ROBO1: variants seen among roughly 807,000 people sequenced by gnomAD.
ROBO1 encodes the protein roundabout guidance receptor 1.
A neutral mutation model predicts 195.9 loss-of-function variants in ROBO1; 149 were observed. The ratio of observed to expected loss-of-function variants is 0.76; its 90% CI spans 0.67 to 0.87. The LOEUF (loss-of-function observed/expected upper bound fraction) is 0.87. Ranked by LOEUF, ROBO1 falls within the 40% of genes least tolerant of loss-of-function variation. The probability of loss-of-function intolerance (pLI) is 0.00; values close to 1 mark genes in which losing one functional copy is unlikely to be tolerated. For synonymous variants in ROBO1, 816 were observed against 733.2 expected (o/e 1.11, Z -1.82); for missense variants, 1,933 against 2,068.3 (o/e 0.93, Z 1.27).
At chr3:79,291,529 G>A (rs886604093) in intron 2 of ROBO1, among the ~76,000 whole-genome samples, 11 of 152,034 alleles carry the variant, frequency 7.2e-5, no homozygotes, top group East Asian at 3.8e-4. Context: ...GTGTTATAAC[G>A]CTTACCAGAT....
chr3:79,557,865 A>T (rs925798337), intron 2 of ROBO1, among the ~76,000 whole-genome samples: 1 of 151,452 alleles, frequency 6.6e-6, no homozygotes, highest in African/African-American at 2.4e-5. Flanking sequence ...GCATGACATC[A>T]TGGCAAATGA....
intron 10 of ROBO1, chr3:78,670,570 A>C (rs1020397230): frequency 5.2e-6 from 2 of 383,886 alleles, no homozygotes; most frequent in South Asian, 6.9e-5. Context: ...TTCGGGAATT[A>C]GGATTGTGGA....
chr3:78,891,916 G>A (rs1390537482), intron 4 of ROBO1, among the ~76,000 whole-genome samples: 1 of 152,236 alleles, frequency 6.6e-6, no homozygotes, highest in Admixed American at 6.5e-5. Context: ...TGTCTAAACA[G>A]TGGTTGCCTC....
intron 1 of ROBO1, among the ~76,000 whole-genome samples, chr3:79,731,645 T>A (rs1703152647): frequency 2.0e-5 from 3 of 152,126 alleles, no homozygotes; most frequent in Admixed American, 1.3e-4. Context: ...GCACAAATAT[T>A]AGCCCACCCT....
chr3:78,693,385 GAATA>G (rs1264478807), intron 8 of ROBO1: 1 of 1,452,984 alleles, frequency 6.9e-7, no homozygotes, highest in South Asian at 1.2e-5. Flanking sequence ...AGAAAACATG[GAATA>G]AATAAAAATA....
At chr3:78,619,836 G>T (rs193198440) in intron 26 of ROBO1, among the ~76,000 whole-genome samples, 1,658 of 151,728 alleles carry the variant, frequency 0.011, 32 homozygotes, top group African/African-American at 0.038. Context: ...TGGCCAACAC[G>T]ACGAAACCCT....
At chr3:79,320,272 C>T (rs971366595) in intron 2 of ROBO1, among the ~76,000 whole-genome samples, 2 of 152,080 alleles carry the variant, frequency 1.3e-5, no homozygotes, top group East Asian at 1.9e-4. Context: ...TAAGCAGGTG[C>T]GAATCCCATC....
chr3:79,516,411 AAG>A (rs1432946058), intron 2 of ROBO1, among the ~76,000 whole-genome samples: 6 of 152,096 alleles, frequency 3.9e-5, no homozygotes, highest in African/African-American at 1.4e-4. Flanking sequence ...ATAATTTCAA[AAG>A]AGAATAAAAA....
Position 78,758,471 on chromosome 3 carries a change from AGCC to A in ROBO1, c.500-11574_500-11572del, listed in dbSNP as rs2082999492. Among the ~76,000 whole-genome samples, 4 of 144,282 alleles carry A rather than the reference AGCC, an allele frequency of 2.8e-5. No individual in the cohort carries two copies. The Admixed American group carries it at 2.9e-4, about 10-fold the overall frequency. 94.7% of individuals were successfully genotyped at this position (144,282 alleles called of 152,430 possible). ...CCCAGAGGTCAAGAAGGCTTCAGTG[AGCC>A]ATGGTCATGCCACTTCACTCCAGCC... On this transcript the variant is annotated intron_variant, in intron 4 of 30. Coordinates refer to ENST00000464233, the MANE Select transcript of ROBO1 (RefSeq NM_002941.4).
At chr3:78,740,818 G>C (rs1433741796) in intron 5 of ROBO1, among the ~76,000 whole-genome samples, 1 of 151,994 alleles carries the variant, frequency 6.6e-6, no homozygotes, top group African/African-American at 2.4e-5. Flanking sequence ...TTATGCAGAA[G>C]AGCTAAATAC....
In ROBO1 at chr3:79,398,824, C is replaced by T. The variant is rs578068245; in HGVS notation, c.88+191000G>A. 1.7e-4 allele frequency among the ~76,000 whole-genome samples: 26 copies of T among 152,174 alleles called. No homozygotes were observed. In the Middle Eastern group the frequency reaches 0.01, roughly 60 times the overall value. ...TTTTAAAAAAGGTTATTATTAGTGC[C>T]ACCCCTAAGGAGACTTTTAGACATT... On this transcript the variant is annotated intron_variant, in intron 2 of 30. Coordinates refer to ENST00000464233, the MANE Select transcript of ROBO1 (RefSeq NM_002941.4).
intron 8 of ROBO1, among the ~76,000 whole-genome samples, chr3:78,696,563 T>G (rs2081294366): frequency 6.6e-6 from 1 of 151,842 alleles, no homozygotes; most frequent in South Asian, 2.1e-4. Context: ...AAAATACATT[T>G]GATTTTACAT....
chr3:79,373,690 T>C (rs764192545), intron 2 of ROBO1, among the ~76,000 whole-genome samples: 8 of 152,258 alleles, frequency 5.3e-5, no homozygotes, highest in Admixed American at 1.3e-4. Context: ...AAAGATCCTC[T>C]GAAGTGAATT....
At chr3:78,850,807 C>CT (rs112628157) in intron 4 of ROBO1, among the ~76,000 whole-genome samples, 5,805 of 148,848 alleles carry the variant, frequency 0.039, 328 homozygotes, top group African/African-American at 0.12. Context: ...CTTTTCTTTT[C>CT]TTTTTTTTTT....
intron 2 of ROBO1, among the ~76,000 whole-genome samples, chr3:79,441,672 T>C (rs780411214): frequency 7.2e-5 from 11 of 152,112 alleles, no homozygotes; most frequent in Non-Finnish European, 1.5e-4. Context: ...ATCTTAGATA[T>C]AATGATATGA....
At chr3:78,968,328 G>A (rs2076691285) in intron 3 of ROBO1, among the ~76,000 whole-genome samples, 1 of 143,606 alleles carries the variant, frequency 7.0e-6, no homozygotes, top group Non-Finnish European at 1.5e-5. Context: ...AGGCTGGAAT[G>A]CAGTGGTGCG....
intron 3 of ROBO1, among the ~76,000 whole-genome samples, chr3:79,095,758 CACAA>C (rs2079555522): frequency 6.6e-6 from 1 of 152,066 alleles, no homozygotes; most frequent in Non-Finnish European, 1.5e-5. Flanking sequence ...TTCTGTCTTG[CACAA>C]ACACTGTATT....
intron 2 of ROBO1, among the ~76,000 whole-genome samples, chr3:79,445,787 G>A (rs941156630): frequency 2.0e-5 from 3 of 150,108 alleles, no homozygotes; most frequent in South Asian, 4.2e-4. Flanking sequence ...TCAGCCTCCC[G>A]AGTAGCTGGG....
At chr3:79,025,887 T>G (rs1382444808) in intron 3 of ROBO1, among the ~76,000 whole-genome samples, 1 of 152,128 alleles carries the variant, frequency 6.6e-6, no homozygotes, top group Non-Finnish European at 1.5e-5. Flanking sequence ...CTCCTTTAGT[T>G]AGTGGTTGAC....
Sources: allele counts gnomAD v4.1 joint callset (sites outside exome capture counted in the v4.1 genomes callset), GRCh38; gene constraint gnomAD v4.1.1; transcripts MANE v1.5; gene names NCBI Gene and HGNC (gene_info 2026-07-23, HGNC 2026-07-21).